The following KPNA3 variants were observed in gnomAD, a reference collection of about 807,000 sequenced individuals.
KPNA3 encodes the protein karyopherin subunit alpha 3.
KPNA3 carries 13 observed loss-of-function variants against 73.8 expected under a neutral mutation model. That is an observed-to-expected ratio of 0.18 (90% CI 0.11 to 0.28). KPNA3 has a LOEUF of 0.28. Among genes scored for constraint, KPNA3 ranks in the 10% least tolerant of loss-of-function variants. KPNA3 has a pLI of 1.00. For missense variants in KPNA3, 360 were observed against 618.1 expected (o/e 0.58, Z 4.43); for synonymous variants, 186 against 206.9 (o/e 0.90, Z 0.87).
chr13:49,744,013 G>A (rs1954595575), intron 2 of KPNA3, among the ~76,000 whole-genome samples: 1 of 152,144 alleles, frequency 6.6e-6, no homozygotes, highest in Non-Finnish European at 1.5e-5. Flanking sequence ...CCTATATAGA[G>A]TTCTAAATAT....
intron 2 of KPNA3, among the ~76,000 whole-genome samples, chr13:49,736,050 C>T (rs573002022): frequency 6.6e-6 from 1 of 152,238 alleles, no homozygotes; most frequent in Non-Finnish European, 1.5e-5. Context: ...TTATCAGCCC[C>T]CTTTCAAGCT....
At chr13:49,705,479 A>T in intron 15 of KPNA3, 142 bp downstream of exon 15, 1 of 885,062 alleles carries the variant, frequency 1.1e-6, no homozygotes, top group Non-Finnish European at 1.7e-6. Flanking sequence ...ATGCAAATAT[A>T]GTGAATAAAG....
intron 9 of KPNA3, among the ~76,000 whole-genome samples, chr13:49,721,216 CAAA>C (rs397851756): frequency 6.8e-6 from 1 of 146,284 alleles, no homozygotes; most frequent in African/African-American, 2.6e-5. Flanking sequence ...AAGACTGTCT[CAAA>C]AGAAGAAGAA....
intron 1 of KPNA3, among the ~76,000 whole-genome samples, chr13:49,768,642 T>C (rs527475709): frequency 2.7e-5 from 4 of 150,640 alleles, no homozygotes; most frequent in East Asian, 2.1e-4. Flanking sequence ...GTTCATCTTT[T>C]AATTTTGAGA....
rs776348502 is a variant in KPNA3, at chr13:49,722,138, A to T, written c.557-14T>A. 1.3e-6 allele frequency: 2 copies of T among 1,493,804 alleles called. No homozygotes were observed. The highest frequency in any genetic ancestry group is 2.9e-5 in the South Asian group (2 of 69,890). The allele number at this position is 1,493,804 out of a possible 1,614,324, so 92.5% of individuals were successfully genotyped here. A position where few individuals can be genotyped will look rare whatever the true frequency, so the allele number is the denominator to read the frequency against. On this transcript the variant is annotated splice_polypyrimidine_tract_variant and intron_variant, in intron 8 of 16. Transcript: ENST00000261667. Reference sequence around the variant, plus strand: ...GAGGACCATCACCTACAGAAATGAAAATTATATTTAAAAAAAACTTACATT... The same window carrying T: ...GAGGACCATCACCTACAGAAATGAATATTATATTTAAAAAAAACTTACATT...
intron 1 of KPNA3, among the ~76,000 whole-genome samples, chr13:49,775,162 C>CATA (rs1954886688): frequency 1.1e-5 from 1 of 93,062 alleles, no homozygotes; most frequent in Non-Finnish European, 2.0e-5. Flanking sequence ...GACTCTGTCT[C>CATA]AAAAAAAAAA....
intron 12 of KPNA3, among the ~76,000 whole-genome samples, chr13:49,707,886 T>A (rs1954222525): frequency 6.6e-6 from 1 of 152,122 alleles, no homozygotes; most frequent in Non-Finnish European, 1.5e-5. Context: ...ACAAATATAG[T>A]TATGATGACG....
At chr13:49,743,828 G>A (rs556346303) in intron 2 of KPNA3, among the ~76,000 whole-genome samples, 12 of 152,104 alleles carry the variant, frequency 7.9e-5, no homozygotes, top group Non-Finnish European at 1.8e-4. Context: ...AATTGCAAGC[G>A]TGAAAAGTTA....
intron 15 of KPNA3, among the ~76,000 whole-genome samples, chr13:49,704,354 C>T (rs1210293862): frequency 4.6e-5 from 7 of 150,544 alleles, no homozygotes; most frequent in African/African-American, 9.8e-5. Context: ...ACCCGGGAGA[C>T]GGAGGTTGCG....
At chr13:49,723,792 C>T (rs939031287) in intron 7 of KPNA3, among the ~76,000 whole-genome samples, 2 of 151,164 alleles carry the variant, frequency 1.3e-5, no homozygotes, top group African/African-American at 4.9e-5. Context: ...ATTGCTTGAA[C>T]CCAGGAGACG....
At chr13:49,754,973 T>C (rs900277600) in intron 1 of KPNA3, among the ~76,000 whole-genome samples, 13 of 152,000 alleles carry the variant, frequency 8.6e-5, no homozygotes, top group Non-Finnish European at 1.8e-4. Flanking sequence ...TTTTATATAA[T>C]CTCTACAAAA....
At position 49,700,599 on chromosome 13, in the gene KPNA3, T is replaced by C. The variant is rs145097959; in HGVS notation, c.*1201A>G. 2.0e-5 allele frequency: 3 copies of C among 152,772 alleles called. No homozygotes were observed. Among genetic ancestry groups the C allele is most frequent in the South Asian group, 4.1e-4 (2 of 4,826 alleles). The allele number at this position is 152,772 out of a possible 1,614,324, so 9.5% of individuals were successfully genotyped here. On this transcript the variant is annotated 3_prime_UTR_variant, in exon 17 of 17. Transcript: ENST00000261667. ...AGATCCCTGTCTGAATCTTTTAATATGTGAAGATGCTTTTTGAGTAGGATC... is the reference window on the plus strand; with the variant it reads ...AGATCCCTGTCTGAATCTTTTAATACGTGAAGATGCTTTTTGAGTAGGATC...
intron 11 of KPNA3, among the ~76,000 whole-genome samples, chr13:49,710,035 G>A (rs1008102257): frequency 2.0e-5 from 3 of 152,186 alleles, no homozygotes; most frequent in African/African-American, 7.2e-5. Flanking sequence ...GCCGAGGCGG[G>A]GGGGATCACC....
At position 49,720,749 on chromosome 13, in the gene KPNA3, A is replaced by AG. The variant is rs1491483990; in HGVS notation, c.727-931dup. Among the ~76,000 whole-genome samples, 798 of 145,280 alleles carry AG rather than the reference A, an allele frequency of 5.5e-3. 6 individuals carry two copies. The highest frequency in any genetic ancestry group is 9.4e-3 in the Non-Finnish European group (622 of 66,166). Reference sequence around the variant, plus strand: ...TGTCTCAAAAAAAAAAAAAAAAAAAAGAGATAACACAGTCAACAGTGAATA... The same window carrying AG: ...TGTCTCAAAAAAAAAAAAAAAAAAAAGGAGATAACACAGTCAACAGTGAATA... On this transcript the variant is annotated intron_variant, in intron 9 of 16. Coordinates refer to ENST00000261667, the MANE Select transcript of KPNA3 (RefSeq NM_002267.4).
intron 1 of KPNA3, among the ~76,000 whole-genome samples, chr13:49,773,994 C>A (rs1885723): frequency 6.6e-6 from 1 of 152,042 alleles, no homozygotes; most frequent in African/African-American, 2.4e-5. Flanking sequence ...CAGCCTCAAC[C>A]TCCCAGGCTC....
At chr13:49,783,304 ACTG>A (rs1249686126) in intron 1 of KPNA3, among the ~76,000 whole-genome samples, 1 of 152,186 alleles carries the variant, frequency 6.6e-6, no homozygotes, top group African/African-American at 2.4e-5. Context: ...CCATATTTTA[ACTG>A]CTGATGTTGG....
At chr13:49,751,765 A>G (rs539243312) in intron 1 of KPNA3, among the ~76,000 whole-genome samples, 1 of 152,098 alleles carries the variant, frequency 6.6e-6, no homozygotes, top group African/African-American at 2.4e-5. Context: ...AAAATTAGCC[A>G]GGTGTGGTGG....
At chr13:49,718,622 T>C (rs1332240968) in intron 10 of KPNA3, among the ~76,000 whole-genome samples, 7 of 152,214 alleles carry the variant, frequency 4.6e-5, no homozygotes, top group African/African-American at 1.4e-4. Flanking sequence ...CTGTATAAAT[T>C]TTACTTTTTC....
intron 1 of KPNA3, among the ~76,000 whole-genome samples, chr13:49,767,016 T>A (rs1283532268): frequency 7.1e-6 from 1 of 141,330 alleles, no homozygotes; most frequent in African/African-American, 2.7e-5. Context: ...TTTTTTTTTA[T>A]AATTTTAAGT....
Sources: gnomAD v4.1 joint callset for allele counts (sites outside exome capture counted in the v4.1 genomes callset) on GRCh38, gnomAD v4.1.1 for gene constraint, MANE v1.5 for transcripts, NCBI Gene and HGNC (gene_info 2026-07-23, HGNC 2026-07-21) for gene names.